Variants in HELLS observed in about 807,000 individuals in gnomAD.
HELLS encodes the protein lymphoid-specific helicase.
A neutral mutation model predicts 120.0 loss-of-function variants in HELLS; 32 were observed. The ratio of observed to expected loss-of-function variants is 0.27; its 90% CI spans 0.20 to 0.36. The LOEUF (loss-of-function observed/expected upper bound fraction) is 0.36, where lower values mean the gene tolerates loss of function less well. Ranked by LOEUF, HELLS falls within the 10% of genes least tolerant of loss-of-function variation. The pLI, the probability that HELLS is intolerant of heterozygous loss-of-function variation, is 1.00. For synonymous variants in HELLS, 341 were observed against 323.4 expected, an observed-to-expected ratio of 1.05 and a Z score of -0.58; for missense variants, 650 against 993.4, an observed-to-expected ratio of 0.65 and a Z score of 4.65.
Position 94,546,999 on chromosome 10 carries a change from G to T in HELLS, c.153+501G>T, listed in dbSNP as rs534116071. Among the ~76,000 whole-genome samples the T allele has an allele frequency of 3.3e-5, 5 of 152,282 alleles. No individual in the cohort carries two copies. In the South Asian group the frequency reaches 8.3e-4, roughly 25 times the overall value. On this transcript the variant is annotated intron_variant, in intron 2 of 21. Coordinates refer to ENST00000348459, the MANE Select transcript of HELLS (RefSeq NM_018063.5). ...TTTCCACCTAAGTGATCAACTTGCT[G>T]TTTGTTTTTCTTTTGGTTTCATGGC...
chr10:94,583,505 C>T (rs1245268081), intron 12 of HELLS, among the ~76,000 whole-genome samples: 1 of 152,064 alleles, frequency 6.6e-6, no homozygotes, highest in African/African-American at 2.4e-5. Flanking sequence ...AAAAGCTTCT[C>T]AGTTGTGGTT....
In HELLS at chr10:94,592,560, C is replaced by G. The variant is rs1376227571; in HGVS notation, c.1971+46C>G. ...CATACCAAACTATTCTTTTATAATT[C>G]CTATCTTGATTTCTGAAGTAATATT... On this transcript the variant is annotated intron_variant, in intron 17 of 21. Coordinates refer to ENST00000348459, the MANE Select transcript of HELLS (RefSeq NM_018063.5). 4.1e-6 allele frequency: 5 copies of G among 1,227,104 alleles called. No individual in the cohort carries two copies. The Admixed American group carries it at 8.7e-5, about 21-fold the overall frequency. 76.0% of individuals were successfully genotyped at this position (1,227,104 alleles called of 1,614,324 possible).
intron 6 of HELLS, chr10:94,570,469 A>G (rs1043625306): frequency 4.6e-5 from 7 of 152,198 alleles, no homozygotes; most frequent in African/African-American, 1.7e-4. Context: ...TCCCATGTAT[A>G]TATATGTGTG....
At chr10:94,577,332 C>A (rs1844543590) in intron 10 of HELLS, 1 of 247,342 alleles carries the variant, frequency 4.0e-6, no homozygotes, top group Non-Finnish European at 7.9e-6. Flanking sequence ...TTCTTCCTCA[C>A]TGCTCTACCT....
At chr10:94,611,907 G>C (rs1005827272) in exon 10 of HELLS, 3 of 152,188 alleles carry the variant, frequency 2.0e-5, no homozygotes, top group Non-Finnish European at 4.4e-5. Context: ...ATAAATGTCA[G>C]TTTCTTCAGA....
intron 6 of HELLS, 69 bp downstream of exon 6, chr10:94,562,945 A>G (rs1265272307): frequency 3.4e-6 from 3 of 880,724 alleles, no homozygotes; most frequent in Non-Finnish European, 5.5e-6. Flanking sequence ...AACCACCTTA[A>G]ATCTGTAAAG....
At chr10:94,563,715 C>T (rs1299339218) in intron 6 of HELLS, among the ~76,000 whole-genome samples, 3 of 152,140 alleles carry the variant, frequency 2.0e-5, no homozygotes, top group African/African-American at 7.2e-5. Flanking sequence ...CTCTTGAACT[C>T]CTGGGTTCAA....
chr10:94,592,584 T>C (rs1179504293), intron 17 of HELLS, 70 bp downstream of exon 17: 4 of 1,030,996 alleles, frequency 3.9e-6, no homozygotes, highest in African/African-American at 1.6e-5. Flanking sequence ...TGAAGTAATA[T>C]TCCAAATAGA....
Position 94,590,117 on chromosome 10 carries a change from A to G in HELLS, c.1489-296A>G, listed in dbSNP as rs538632812. The stretch of plus-strand genomic sequence containing the variant: ...TGCAGTGTTACACCAGTCTGAAGAA[A>G]TATCCTCTGTACTGCAAATTTCCGG... On this transcript the variant is annotated intron_variant, in intron 13 of 21. Transcript: ENST00000348459. Among the ~76,000 whole-genome samples, 31 of 152,344 alleles carry G rather than the reference A, an allele frequency of 2.0e-4. No homozygotes were observed. The South Asian group carries it at 4.8e-3, about 23-fold the overall frequency.
At chr10:94,586,118 T>A (rs1845131758) in intron 12 of HELLS, among the ~76,000 whole-genome samples, 1 of 144,944 alleles carries the variant, frequency 6.9e-6, no homozygotes, top group African/African-American at 2.6e-5. Flanking sequence ...TTTAATTTTA[T>A]TTATTTATTT....
chr10:94,597,799 C>T (rs1238690182), intron 21 of HELLS, among the ~76,000 whole-genome samples: 1 of 152,202 alleles, frequency 6.6e-6, no homozygotes, highest in Non-Finnish European at 1.5e-5. Context: ...TCCCAAAGCA[C>T]TGGGATTACA....
At chr10:94,583,710 AAC>A (rs1478524867) in intron 12 of HELLS, among the ~76,000 whole-genome samples, 8 of 148,604 alleles carry the variant, frequency 5.4e-5, no homozygotes, top group African/African-American at 2.1e-4. Flanking sequence ...TCTTTGTGTA[AAC>A]ACGTGTGTTT....
downstream of HELLS, among the ~76,000 whole-genome samples, chr10:94,602,590 A>G (rs1222816507): frequency 6.6e-6 from 1 of 152,178 alleles, no homozygotes; most frequent in Non-Finnish European, 1.5e-5. Context: ...TGCTGTTGCC[A>G]TGTATATTCA....
chr10:94,576,649 TA>T lies in HELLS; in HGVS notation c.889-9del. ...TTCTTAAGTCTGATAAAAATCAATA[TA>T]AAATTTTTCAGATCCCTACAATGTT... On this transcript the variant is annotated splice_polypyrimidine_tract_variant and intron_variant, in intron 9 of 21. Transcript: ENST00000348459. 1 of 1,481,490 alleles carries T rather than the reference TA, an allele frequency of 6.7e-7. No individual in the cohort carries two copies. Among genetic ancestry groups the T allele is most frequent in the Non-Finnish European group, 9.2e-7 (1 of 1,088,726 alleles). 91.8% of individuals were successfully genotyped at this position (1,481,490 alleles called of 1,614,324 possible). A position where few individuals can be genotyped will look rare whatever the true frequency, so the allele number is the denominator to read the frequency against.
intron 10 of HELLS, among the ~76,000 whole-genome samples, chr10:94,580,126 TA>T (rs1291231897): frequency 8.6e-5 from 2 of 23,158 alleles, no homozygotes; most frequent in African/African-American, 3.1e-4. Context: ...AGTATATATA[TA>T]TATATATATA....
intron 13 of HELLS, among the ~76,000 whole-genome samples, chr10:94,589,177 A>G (rs1845332057): frequency 6.6e-6 from 1 of 152,072 alleles, no homozygotes; most frequent in African/African-American, 2.4e-5. Context: ...AAAAATGTAT[A>G]TTTCCGTACA....
At chr10:94,574,521 A>G (rs1477404842) in intron 8 of HELLS, 33 bp from the exon 9 acceptor site, 5 of 1,491,326 alleles carry the variant, frequency 3.4e-6, no homozygotes, top group African/African-American at 1.4e-5. Context: ...GTTTATATCC[A>G]AGTTTAAATA....
At chr10:94,607,454 T>C (rs752182101) in intron 8 of HELLS, among the ~76,000 whole-genome samples, 20 of 152,338 alleles carry the variant, frequency 1.3e-4, no homozygotes, top group Non-Finnish European at 2.8e-4. Context: ...TGGACTCATT[T>C]CATGATGTAG....
chr10:94,551,771 GCT>G (rs1483087022), intron 2 of HELLS, among the ~76,000 whole-genome samples: 5 of 148,804 alleles, frequency 3.4e-5, no homozygotes, highest in African/African-American at 5.0e-5. Flanking sequence ...ATGGAGTCTC[GCT>G]CTGTTGCCCA....
Sources: gnomAD v4.1 joint callset for allele counts (sites outside exome capture counted in the v4.1 genomes callset) on GRCh38, gnomAD v4.1.1 for gene constraint, MANE v1.5 for transcripts, NCBI Gene and HGNC (gene_info 2026-07-23, HGNC 2026-07-21) for gene names.